RDX: variants seen among roughly 807,000 people sequenced by gnomAD.
The protein encoded by RDX is radixin, also known as deafness, autosomal recessive 24.
In RDX, 32 loss-of-function variants were observed where a neutral mutation model predicts 83.7. The ratio of observed to expected loss-of-function variants is 0.38; its 90% CI spans 0.29 to 0.51. RDX has a LOEUF of 0.51. Among genes scored for constraint, RDX ranks in the 20% least tolerant of loss-of-function variants. The probability of loss-of-function intolerance (pLI) is 0.87; values close to 1 mark genes in which losing one functional copy is unlikely to be tolerated. For missense variants in RDX, 600 were observed against 689.9 expected (o/e 0.87, Z 1.46); for synonymous variants, 229 against 222.7 (o/e 1.03, Z -0.25).
intron 3 of RDX, among the ~76,000 whole-genome samples, chr11:110,271,955 G>A (rs533435829): frequency 2.6e-5 from 4 of 152,262 alleles, no homozygotes; most frequent in African/African-American, 4.8e-5. Flanking sequence ...GTGATGGGTC[G>A]CAGTCAAAAC....
intron 14 of RDX, among the ~76,000 whole-genome samples, chr11:110,208,087 TG>T (rs1863673290): frequency 6.6e-6 from 1 of 152,052 alleles, no homozygotes. Flanking sequence ...ACCAAAGTGC[TG>T]GGGTTACAGG....
At chr11:110,295,843 C>G (rs934696717) in intron 1 of RDX, among the ~76,000 whole-genome samples, 2 of 152,230 alleles carry the variant, frequency 1.3e-5, no homozygotes, top group African/African-American at 4.8e-5. Flanking sequence ...AGAGCTGCGG[C>G]CGGGAACCGC....
At chr11:110,180,921 C>T (rs1488225982) in intron 15 of RDX, among the ~76,000 whole-genome samples, 1 of 152,148 alleles carries the variant, frequency 6.6e-6, no homozygotes, top group Non-Finnish European at 1.5e-5. Flanking sequence ...ATGAAACCTT[C>T]GGATGAACTG....
At chr11:110,274,187 T>C (rs1860417612) in intron 2 of RDX, among the ~76,000 whole-genome samples, 1 of 152,190 alleles carries the variant, frequency 6.6e-6, no homozygotes, top group South Asian at 2.1e-4. Flanking sequence ...ACATCTATCA[T>C]ATATAAACAA....
At chr11:110,286,476 G>A (rs1006533567) in intron 1 of RDX, among the ~76,000 whole-genome samples, 4 of 152,294 alleles carry the variant, frequency 2.6e-5, no homozygotes, top group African/African-American at 9.6e-5. Flanking sequence ...GACACATTGA[G>A]CTCTGTTAGG....
chr11:110,195,200 G>A (rs1042255116), intron 15 of RDX, among the ~76,000 whole-genome samples: 2 of 151,916 alleles, frequency 1.3e-5, no homozygotes, highest in Non-Finnish European at 2.9e-5. Context: ...TCTTGACCTC[G>A]TGACCCATCC....
At chr11:110,284,422 GTAT>G (rs924590939) in intron 1 of RDX, among the ~76,000 whole-genome samples, 1 of 152,008 alleles carries the variant, frequency 6.6e-6, no homozygotes, top group African/African-American at 2.4e-5. Context: ...TTGTTTTTTG[GTAT>G]TATTAAAACA....
chr11:110,247,213 C>T (rs1025192215), intron 10 of RDX, among the ~76,000 whole-genome samples: 2 of 151,872 alleles, frequency 1.3e-5, no homozygotes, highest in Admixed American at 6.6e-5. Context: ...CGTTATAACA[C>T]GTCTATGTGT....
rs189938458 is a variant in RDX, at chr11:110,292,594, A to G, written c.-65+3873T>C. ...AAGGGCTCAAAACTGAAGAGCGCTC[A>G]CTTCACAAATTTACCTGCAGTCAGT... is the stretch of plus-strand genomic sequence containing the variant. On this transcript the variant is annotated intron_variant, in intron 1 of 13. Coordinates refer to ENST00000645495, the MANE Select transcript of RDX (RefSeq NM_002906.4). Among the ~76,000 whole-genome samples the G allele has an allele frequency of 5.3e-5, 8 of 152,288 alleles. No individual in the cohort carries two copies. The East Asian group carries it at 1.5e-3, about 29-fold the overall frequency.
intron 3 of RDX, among the ~76,000 whole-genome samples, chr11:110,268,932 A>G (rs1309468852): frequency 1.3e-5 from 2 of 150,660 alleles, no homozygotes; most frequent in Admixed American, 1.3e-4. Flanking sequence ...TATAAAGCAT[A>G]TATTTTTAAA....
chr11:110,226,280 G>A (rs996265438), downstream of RDX, among the ~76,000 whole-genome samples: 1 of 152,040 alleles, frequency 6.6e-6, no homozygotes, highest in African/African-American at 2.4e-5. Context: ...TGCATACAAT[G>A]GAATATTGCT....
downstream of RDX, among the ~76,000 whole-genome samples, chr11:110,225,357 C>T (rs1864396715): frequency 6.6e-6 from 1 of 152,156 alleles, no homozygotes; most frequent in African/African-American, 2.4e-5. Flanking sequence ...AGGAATATTC[C>T]AAATCTGGGA....
chr11:110,295,308 TAAAAAAA>T (rs200732024), intron 1 of RDX, among the ~76,000 whole-genome samples: 223 of 127,340 alleles, frequency 1.8e-3, no homozygotes, highest in African/African-American at 6.4e-3. Context: ...TTTAGTGTTC[TAAAAAAA>T]AAAAAAAAAA....
chr11:110,207,548 A>G (rs1277672404), intron 14 of RDX, among the ~76,000 whole-genome samples: 3 of 152,226 alleles, frequency 2.0e-5, no homozygotes, highest in Non-Finnish European at 2.9e-5. Context: ...CCTTTAACTC[A>G]GGAGGCTCGT....
chr11:110,266,966 T>G (rs866039169), intron 3 of RDX, among the ~76,000 whole-genome samples: 3 of 152,062 alleles, frequency 2.0e-5, no homozygotes, highest in Middle Eastern at 3.4e-3. Flanking sequence ...TGGTGCAATC[T>G]CAGTTCACTG....
chr11:110,184,321 GC>G (rs1862944135), intron 15 of RDX, among the ~76,000 whole-genome samples: 2 of 152,226 alleles, frequency 1.3e-5, no homozygotes, highest in African/African-American at 2.4e-5. Flanking sequence ...TCATTCCCAA[GC>G]CCAGGCGGTG....
In RDX at chr11:110,213,032, G is replaced by A. The variant is rs1314584467; in HGVS notation, c.1749-13354C>T. Among the ~76,000 whole-genome samples, 4 of 149,182 alleles carry A rather than the reference G, an allele frequency of 2.7e-5. No homozygotes were observed. In the South Asian group the frequency reaches 6.4e-4, roughly 24 times the overall value. On this transcript the variant is annotated intron_variant, in intron 14 of 15. Transcript: ENST00000528498. Reference sequence around the variant, plus strand: ...AATAAAGGGTATTCAATTAGGAAAAGAGGAAGTCAAATTGTCCCTGTTTGC... The same window carrying A: ...AATAAAGGGTATTCAATTAGGAAAAAAGGAAGTCAAATTGTCCCTGTTTGC...
At chr11:110,236,056 T>A (rs1864834830) in intron 12 of RDX, 43 bp downstream of exon 12, 1 of 1,349,988 alleles carries the variant, frequency 7.4e-7, no homozygotes, top group African/African-American at 1.4e-5. Context: ...ATCCTGGGTA[T>A]AAAAGCTATT....
intron 15 of RDX, among the ~76,000 whole-genome samples, chr11:110,194,367 C>T (rs568844459): frequency 1.3e-5 from 2 of 152,252 alleles, no homozygotes; most frequent in South Asian, 4.1e-4. Flanking sequence ...CTACAGGCAC[C>T]TGCCACCACA....
Sources: gnomAD v4.1 joint callset for allele counts (sites outside exome capture counted in the v4.1 genomes callset) on GRCh38, gnomAD v4.1.1 for gene constraint, MANE v1.5 for transcripts, NCBI Gene and HGNC (gene_info 2026-07-23, HGNC 2026-07-21) for gene names.